The following QTRT2 variants were observed in gnomAD, a reference collection of about 807,000 sequenced individuals.
QTRT2 encodes the protein queuine tRNA-ribosyltransferase domain containing 1.
QTRT2 carries 32 observed loss-of-function variants against 44.8 expected under a neutral mutation model. The observed-to-expected ratio is 0.71, with a 90% CI of 0.54 to 0.96. The LOEUF (loss-of-function observed/expected upper bound fraction) is 0.96. QTRT2 is among the 40% of genes least tolerant of loss of function. The pLI is 0.00. For synonymous variants in QTRT2, 182 were observed against 187.4 expected (o/e 0.97, Z 0.24); for missense variants, 461 against 503.1 (o/e 0.92, Z 0.80).
At chr3:114,068,921 C>T (rs1396794583) in intron 5 of QTRT2, among the ~76,000 whole-genome samples, 2 of 152,072 alleles carry the variant, frequency 1.3e-5, no homozygotes, top group Non-Finnish European at 2.9e-5. Context: ...TGGTGGCACA[C>T]GCCTATAATC....
At position 114,064,110 on chromosome 3, in the gene QTRT2, G is replaced by A. The variant is rs185715640; in HGVS notation, c.-21-1127G>A. Among the ~76,000 whole-genome samples the A allele has an allele frequency of 9.5e-4, 145 of 152,214 alleles. 4 individuals are homozygous for A. In the East Asian group the frequency reaches 0.016, roughly 17 times the overall value. Reference sequence around the variant, plus strand: ...CACACCTGTAATCTCAACTACTTGGGAGGCTGAGGCAGGAGAATCTCTTGA... The same window carrying A: ...CACACCTGTAATCTCAACTACTTGGAAGGCTGAGGCAGGAGAATCTCTTGA... On this transcript the variant is annotated intron_variant, in intron 2 of 9. Coordinates refer to ENST00000281273, the MANE Select transcript of QTRT2 (RefSeq NM_024638.4).
At chr3:114,078,971 G>A (rs1003979141) in intron 7 of QTRT2, 2 of 152,060 alleles carry the variant, frequency 1.3e-5, no homozygotes, top group African/African-American at 2.4e-5. Context: ...TCCTGACAGC[G>A]AGAGTTGCTT....
chr3:114,085,324 C>T (rs2077220990), intron 9 of QTRT2, among the ~76,000 whole-genome samples: 1 of 152,178 alleles, frequency 6.6e-6, no homozygotes, highest in Non-Finnish European at 1.5e-5. Flanking sequence ...TCTCCTGCCT[C>T]AGCCTCCCGA....
chr3:114,058,374 A>G (rs570830794), intron 2 of QTRT2, among the ~76,000 whole-genome samples: 7 of 151,884 alleles, frequency 4.6e-5, no homozygotes, highest in Non-Finnish European at 8.8e-5. Flanking sequence ...GAAATTATGC[A>G]TTCTGTCATT....
intron 4 of QTRT2, among the ~76,000 whole-genome samples, chr3:114,067,203 A>C (rs905871256): frequency 6.6e-6 from 1 of 152,178 alleles, no homozygotes; most frequent in Non-Finnish European, 1.5e-5. Context: ...CCCAATTTTA[A>C]TAACCAGCTT....
chr3:114,081,398 G>A (rs1264127279), intron 8 of QTRT2, among the ~76,000 whole-genome samples: 1 of 152,162 alleles, frequency 6.6e-6, no homozygotes, highest in Non-Finnish European at 1.5e-5. Context: ...TGCCCAGGCT[G>A]GAGTGTAGTG....
intron 3 of QTRT2, 149 bp from the exon 4 acceptor site, chr3:114,066,079 T>C (rs2076950189): frequency 1.8e-6 from 1 of 546,400 alleles, no homozygotes; most frequent in African/African-American, 1.9e-5. Flanking sequence ...CCTAGCCTAA[T>C]TAGTTAGAAC....
In QTRT2 at chr3:114,066,299, CTT is replaced by C; in HGVS notation, c.256+17_256+18del. Reference sequence around the variant, plus strand: ...AAGTTTATAGGTAAAAATTAAGTTACTTATATGTGCCTTGTGATGTGTTAATT... The same window carrying C: ...AAGTTTATAGGTAAAAATTAAGTTACATATGTGCCTTGTGATGTGTTAATT... On this transcript the variant is annotated intron_variant, in intron 4 of 9. Transcript: ENST00000281273. 1 of 1,486,356 alleles carries C rather than the reference CTT, an allele frequency of 6.7e-7. No individual in the cohort carries two copies. The highest frequency in any genetic ancestry group is 9.4e-7 in the Non-Finnish European group (1 of 1,065,480). 92.1% of individuals were successfully genotyped at this position (1,486,356 alleles called of 1,614,324 possible).
At chr3:114,067,147 T>A (rs1037186844) in intron 4 of QTRT2, among the ~76,000 whole-genome samples, 10 of 152,186 alleles carry the variant, frequency 6.6e-5, no homozygotes, top group African/African-American at 2.4e-4. Flanking sequence ...CAAAGCCCTG[T>A]ATTTTAGTAG....
chr3:114,084,228 A>G (rs1345163714), intron 9 of QTRT2, among the ~76,000 whole-genome samples: 2 of 151,890 alleles, frequency 1.3e-5, no homozygotes, highest in Non-Finnish European at 2.9e-5. Context: ...ATGCCTGGCT[A>G]ATTTTTGTAT....
At chr3:114,070,920 C>T (rs1327618133) in intron 6 of QTRT2, 82 bp downstream of exon 6, 1 of 1,040,966 alleles carries the variant, frequency 9.6e-7, no homozygotes, top group Admixed American at 2.0e-5. Flanking sequence ...TTCTGTTCTT[C>T]CTCCTACTGC....
intron 5 of QTRT2, among the ~76,000 whole-genome samples, chr3:114,069,418 C>G (rs566300868): frequency 1.3e-3 from 195 of 152,224 alleles, no homozygotes; most frequent in Non-Finnish European, 1.6e-3. Flanking sequence ...CAAGTAGACC[C>G]CAGTGTCTGT....
At chr3:114,077,173 A>C (rs2077102492) in intron 7 of QTRT2, 1 of 534,296 alleles carries the variant, frequency 1.9e-6, no homozygotes, top group Admixed American at 3.1e-5. Context: ...CATTTGAATT[A>C]TGTTATTTGA....
At chr3:114,065,513 T>C in intron 3 of QTRT2, 56 bp downstream of exon 3, 1 of 1,328,548 alleles carries the variant, frequency 7.5e-7, no homozygotes, top group Non-Finnish European at 1.1e-6. Context: ...TTAGTTACCT[T>C]AGGTGCAAAA....
At chr3:114,071,421 C>G (rs753608559) in intron 6 of QTRT2, among the ~76,000 whole-genome samples, 23 of 152,218 alleles carry the variant, frequency 1.5e-4, no homozygotes, top group South Asian at 4.1e-4. Flanking sequence ...GCCTCAGCCT[C>G]CCGTATAGCT....
intron 5 of QTRT2, among the ~76,000 whole-genome samples, chr3:114,068,908 G>A (rs751089472): frequency 6.6e-6 from 1 of 152,152 alleles, no homozygotes; most frequent in Admixed American, 6.5e-5. Flanking sequence ...AATTAGCCAG[G>A]TGTGGTGGCA....
chr3:114,060,065 C>T (rs2076861288), intron 2 of QTRT2, among the ~76,000 whole-genome samples: 2 of 152,072 alleles, frequency 1.3e-5, no homozygotes, highest in Admixed American at 1.3e-4. Flanking sequence ...TAATTACAGA[C>T]TTTCAGTTAA....
chr3:114,082,603 C>T (rs2077181460), intron 8 of QTRT2, 74 bp from the exon 9 acceptor site: 1 of 574,656 alleles, frequency 1.7e-6, no homozygotes, highest in Admixed American at 3.0e-5. Flanking sequence ...GAAATAATAA[C>T]TAAAATAAAA....
At chr3:114,071,744 CGTAT>C (rs1281744140) in intron 6 of QTRT2, among the ~76,000 whole-genome samples, 2 of 152,170 alleles carry the variant, frequency 1.3e-5, no homozygotes, top group Non-Finnish European at 2.9e-5. Context: ...TCATCTCTTA[CGTAT>C]GTAATTACCT....
Sources: gnomAD v4.1 joint callset for allele counts (sites outside exome capture counted in the v4.1 genomes callset) on GRCh38, gnomAD v4.1.1 for gene constraint, MANE v1.5 for transcripts, NCBI Gene and HGNC (gene_info 2026-07-23, HGNC 2026-07-21) for gene names.